Variants in CD300LB observed in about 807,000 individuals in gnomAD.
CD300LB encodes CD300 molecule like family member b.
CD300LB carries 18 observed loss-of-function variants against 20.8 expected under a neutral mutation model. The observed-to-expected ratio is 0.87, with a 90% CI of 0.60 to 1.28. The LOEUF is 1.28. CD300LB is among the 50% of genes most tolerant of loss of function. CD300LB has a pLI of 0.00. For missense variants in CD300LB, 222 were observed against 251.8 expected, an observed-to-expected ratio of 0.88 and a Z score of 0.80; for synonymous variants, 91 against 91.3, an observed-to-expected ratio of 1.00 and a Z score of 0.02.
chr17:74,528,455 G>A (rs1308132810), intron 1 of CD300LB, among the ~76,000 whole-genome samples: 6 of 152,154 alleles, frequency 3.9e-5, no homozygotes, highest in Non-Finnish European at 8.8e-5. Flanking sequence ...TGTTACAGCA[G>A]CCACTGGAAA....
chr17:74,530,591 A>ACACACC (rs879389543), intron 1 of CD300LB, among the ~76,000 whole-genome samples: 255 of 146,854 alleles, frequency 1.7e-3, no homozygotes, highest in African/African-American at 6.5e-3. Flanking sequence ...ACACACACAC[A>ACACACC]CCCAACTCTC....
In CD300LB at chr17:74,525,673, G is replaced by A. The variant is rs1024768983; in HGVS notation, c.370+75C>T. On this transcript the variant is annotated intron_variant, in intron 2 of 3. Transcript: ENST00000392621. ...ACCATCATTCCCTTTCAGCCTTGGA[G>A]GGGAGCAGGTAAGAGCACTGACTTT... 38 of 1,254,794 alleles carry A rather than the reference G, an allele frequency of 3.0e-5. 1 individual carries two copies. In the East Asian group the frequency reaches 7.4e-4, roughly 24 times the overall value. The allele number at this position is 1,254,794 out of a possible 1,614,324, so 77.7% of individuals were successfully genotyped here. A position where few individuals can be genotyped will look rare whatever the true frequency, so the allele number is the denominator to read the frequency against.
At chr17:74,530,060 G>A (rs1908157057) in intron 1 of CD300LB, among the ~76,000 whole-genome samples, 1 of 152,228 alleles carries the variant, frequency 6.6e-6, no homozygotes, top group Non-Finnish European at 1.5e-5. Flanking sequence ...GATAGAGATG[G>A]AAATGACAGG....
At chr17:74,529,541 C>T (rs922569949) in intron 1 of CD300LB, among the ~76,000 whole-genome samples, 1 of 152,100 alleles carries the variant, frequency 6.6e-6, no homozygotes, top group Non-Finnish European at 1.5e-5. Context: ...CCTGTATTCC[C>T]GCACTTTGGG....
chr17:74,528,918 G>A (rs113104194), intron 1 of CD300LB, among the ~76,000 whole-genome samples: 3,966 of 152,192 alleles, frequency 0.026, 194 homozygotes, highest in African/African-American at 0.089. Context: ...GATCGCTTGA[G>A]CCCAGGAGTT....
chr17:74,530,787 TA>T (rs1488598977), intron 1 of CD300LB, among the ~76,000 whole-genome samples: 1 of 151,264 alleles, frequency 6.6e-6, no homozygotes, highest in Non-Finnish European at 1.5e-5. Context: ...TCTCACCCAC[TA>T]AGCCATCTGG....
chr17:74,530,576 CACACACACACACACACCCAA>C (rs1908175404), intron 1 of CD300LB, among the ~76,000 whole-genome samples: 1 of 144,228 alleles, frequency 6.9e-6, no homozygotes, highest in African/African-American at 2.9e-5. Flanking sequence ...CACACACACA[CACACACACACACACACCCAA>C]CTCTCTAGAG....
chr17:74,526,773 C>T (rs1459291799), intron 1 of CD300LB, among the ~76,000 whole-genome samples: 3 of 152,166 alleles, frequency 2.0e-5, no homozygotes, highest in African/African-American at 7.2e-5. Context: ...AGTGTAAATA[C>T]TCCCACGGTG....
Position 74,521,592 on chromosome 17 carries a change from C to T in CD300LB, c.*1146G>A. ...GAGGCTCTGGGTGCCATGCTAGGGA[C>T]CAGAGGGTCCCCTCTCCTTTATCCA... is the stretch of plus-strand genomic sequence containing the variant. On this transcript the variant is annotated 3_prime_UTR_variant, in exon 4 of 4. Transcript: ENST00000392621. The T allele has an allele frequency of 1.0e-6, 1 of 985,480 alleles. No homozygotes were observed. Among genetic ancestry groups the T allele is most frequent in the Admixed American group, 6.1e-5 (1 of 16,288 alleles). The allele number at this position is 985,480 out of a possible 1,614,324, so 61.0% of individuals were successfully genotyped here. A position where few individuals can be genotyped will look rare whatever the true frequency, so the allele number is the denominator to read the frequency against.
Position 74,522,102 on chromosome 17 carries a change from G to T in CD300LB, c.*636C>A. 4.1e-6 allele frequency: 4 copies of T among 985,400 alleles called. No homozygotes were observed. Among genetic ancestry groups the T allele is most frequent in the Non-Finnish European group, 4.8e-6 (4 of 829,972 alleles). The allele number at this position is 985,400 out of a possible 1,614,324, so 61.0% of individuals were successfully genotyped here. On this transcript the variant is annotated 3_prime_UTR_variant, in exon 4 of 4. Transcript: ENST00000392621. ...GGAGGAGGAAGAGGTGGGAGGGGGA[G>T]GACAAGCACCGGGCCGGGCCAGGGA...
At position 74,521,812 on chromosome 17, in the gene CD300LB, A is replaced by G; in HGVS notation, c.*926T>C. ...ATACAGCACAAAGTGACCACATTCA[A>G]GGGCCTCATCGCCGTGGGTGAAGCC... On this transcript the variant is annotated 3_prime_UTR_variant, in exon 4 of 4. Coordinates refer to ENST00000392621, the MANE Select transcript of CD300LB (RefSeq NM_174892.4). 1 of 985,522 alleles carries G rather than the reference A, an allele frequency of 1.0e-6. No individual in the cohort carries two copies. Among genetic ancestry groups the G allele is most frequent in the African/African-American group, 1.7e-5 (1 of 57,372 alleles). 61.0% of individuals were successfully genotyped at this position (985,522 alleles called of 1,614,324 possible).
intron 1 of CD300LB, among the ~76,000 whole-genome samples, chr17:74,526,904 C>G (rs919290654): frequency 6.6e-6 from 1 of 152,160 alleles, no homozygotes; most frequent in African/African-American, 2.4e-5. Flanking sequence ...CCTCTCCAGC[C>G]TTCATCTTGT....
intron 1 of CD300LB, 22 bp from the exon 2 acceptor site, chr17:74,526,099 TAC>T: frequency 1.2e-6 from 2 of 1,606,802 alleles, no homozygotes; most frequent in Non-Finnish European, 1.7e-6. Context: ...AATCCCAAGA[TAC>T]AGCTCATTGC....
chr17:74,524,077 G>A (rs1907961822), intron 2 of CD300LB, among the ~76,000 whole-genome samples: 1 of 152,192 alleles, frequency 6.6e-6, no homozygotes, highest in Admixed American at 6.5e-5. Flanking sequence ...CCAGAAAAAG[G>A]GAAAGGGGAC....
Position 74,521,595 on chromosome 17 carries a change from G to A in CD300LB, c.*1143C>T. On this transcript the variant is annotated 3_prime_UTR_variant, in exon 4 of 4. Coordinates refer to ENST00000392621, the MANE Select transcript of CD300LB (RefSeq NM_174892.4). ...GCTCTGGGTGCCATGCTAGGGACCA[G>A]AGGGTCCCCTCTCCTTTATCCACTG... is the stretch of plus-strand genomic sequence containing the variant. 1.0e-6 allele frequency: 1 copy of A among 985,490 alleles called. No individual in the cohort carries two copies. Among genetic ancestry groups the A allele is most frequent in the African/African-American group, 1.7e-5 (1 of 57,374 alleles). 61.0% of individuals were successfully genotyped at this position (985,490 alleles called of 1,614,324 possible).
At position 74,522,563 on chromosome 17, in the gene CD300LB, C is replaced by T. The variant is rs1907914026; in HGVS notation, c.*175G>A. On this transcript the variant is annotated 3_prime_UTR_variant, in exon 4 of 4. Transcript: ENST00000392621. Reference sequence around the variant, plus strand: ...GATGGTGGCTCAGGAGAGGACCTGGCTAAGTCCCTGAGCTGTGCAGAACAG... The same window carrying T: ...GATGGTGGCTCAGGAGAGGACCTGGTTAAGTCCCTGAGCTGTGCAGAACAG... 1.4e-6 allele frequency: 2 copies of T among 1,404,428 alleles called. No homozygotes were observed. The highest frequency in any genetic ancestry group is 3.1e-5 in the South Asian group (2 of 64,406). The allele number at this position is 1,404,428 out of a possible 1,614,324, so 87.0% of individuals were successfully genotyped here.
At chr17:74,530,262 C>T (rs932912638) in intron 1 of CD300LB, among the ~76,000 whole-genome samples, 1 of 152,218 alleles carries the variant, frequency 6.6e-6, no homozygotes, top group African/African-American at 2.4e-5. Flanking sequence ...ACATTGCACA[C>T]CCTGCGTAAA....
intron 1 of CD300LB, among the ~76,000 whole-genome samples, chr17:74,526,540 C>T (rs987832641): frequency 6.6e-6 from 1 of 152,150 alleles, no homozygotes; most frequent in African/African-American, 2.4e-5. Context: ...TGGTGAAACC[C>T]AGTCTTTACT....
chr17:74,530,729 C>G (rs1037577750), intron 1 of CD300LB, among the ~76,000 whole-genome samples: 6 of 152,196 alleles, frequency 3.9e-5, no homozygotes, highest in Non-Finnish European at 8.8e-5. Context: ...CACACGCCTC[C>G]ACCAATGCCT....
Sources: gnomAD v4.1 joint callset for allele counts (sites outside exome capture counted in the v4.1 genomes callset) on GRCh38, gnomAD v4.1.1 for gene constraint, MANE v1.5 for transcripts, NCBI Gene and HGNC (gene_info 2026-07-23, HGNC 2026-07-21) for gene names.